KCNMA1: variants seen among roughly 807,000 people sequenced by gnomAD.
The protein encoded by KCNMA1 is potassium calcium-activated channel subfamily M alpha 1.
A neutral mutation model predicts 140.0 loss-of-function variants in KCNMA1; 29 were observed. That is an observed-to-expected ratio of 0.21 (90% CI 0.15 to 0.28). The LOEUF (loss-of-function observed/expected upper bound fraction) is 0.28, where lower values mean the gene tolerates loss of function less well. Among genes scored for constraint, KCNMA1 ranks in the 10% least tolerant of loss-of-function variants. The pLI, the probability that KCNMA1 is intolerant of heterozygous loss-of-function variation, is 1.00. For missense variants in KCNMA1, 880 were observed against 1,602.2 expected (o/e 0.55, Z 7.70); for synonymous variants, 612 against 611.9 (o/e 1.00, Z 0.00).
At chr10:77,012,073 G>A (rs371381812) in intron 17 of KCNMA1, 30 bp from the exon 18 acceptor site, 15 of 1,612,270 alleles carry the variant, frequency 9.3e-6, no homozygotes, top group Admixed American at 3.3e-5. Flanking sequence ...AAACTGACAC[G>A]TTTCATAATC....
intron 2 of KCNMA1, among the ~76,000 whole-genome samples, chr10:77,343,655 TA>T (rs1168265642): frequency 1.3e-5 from 2 of 152,206 alleles, no homozygotes; most frequent in Non-Finnish European, 2.9e-5. Context: ...AAATCCCATA[TA>T]AATGTACAAA....
intron 1 of KCNMA1, among the ~76,000 whole-genome samples, chr10:77,506,188 T>A (rs1392987002): frequency 6.6e-6 from 1 of 151,674 alleles, no homozygotes; most frequent in Non-Finnish European, 1.5e-5. Flanking sequence ...GTAGAGCTAA[T>A]TAGAGTTTCT....
At chr10:77,041,821 G>T (rs1203374598) in intron 14 of KCNMA1, among the ~76,000 whole-genome samples, 1 of 152,136 alleles carries the variant, frequency 6.6e-6, no homozygotes, top group African/African-American at 2.4e-5. Context: ...AACGGCTTGT[G>T]CTTATCTTGT....
intron 5 of KCNMA1, among the ~76,000 whole-genome samples, chr10:77,149,006 C>T (rs563577245): frequency 6.6e-6 from 1 of 152,296 alleles, no homozygotes; most frequent in African/African-American, 2.4e-5. Context: ...ATTTTTATTG[C>T]TCTGGCTTAA....
At chr10:77,448,595 G>A (rs2097571610) in intron 1 of KCNMA1, among the ~76,000 whole-genome samples, 1 of 152,126 alleles carries the variant, frequency 6.6e-6, no homozygotes, top group African/African-American at 2.4e-5. Context: ...CAATTCCAGG[G>A]TTCTTTCAGA....
chr10:77,146,738 AGAAGG>A (rs1597158388), intron 5 of KCNMA1, among the ~76,000 whole-genome samples: 8 of 137,438 alleles, frequency 5.8e-5, no homozygotes, highest in East Asian at 5.7e-4. Context: ...AAAGAAAGAA[AGAAGG>A]AAAGAAAAAA....
At chr10:77,230,061 T>C (rs2053055842) in intron 3 of KCNMA1, among the ~76,000 whole-genome samples, 1 of 152,184 alleles carries the variant, frequency 6.6e-6, no homozygotes, top group Non-Finnish European at 1.5e-5. Context: ...GACAAATGAA[T>C]GGATAAACAA....
At chr10:77,386,976 G>A (rs556290590) in intron 2 of KCNMA1, among the ~76,000 whole-genome samples, 1 of 152,210 alleles carries the variant, frequency 6.6e-6, no homozygotes, top group Non-Finnish European at 1.5e-5. Flanking sequence ...GCTTTTTACA[G>A]TGCCGGGGGA....
At position 76,919,461 on chromosome 10, in the gene KCNMA1, C is replaced by T. The variant is rs763523525; in HGVS notation, c.2903-4412G>A. On this transcript the variant is annotated intron_variant, in intron 23 of 27. Coordinates refer to ENST00000286628, the MANE Select transcript of KCNMA1 (RefSeq NM_001161352.2). ...TTCAGCATGAGACATAAGTGCTTGA[C>T]CAACTTTATCCTATGACAGATATTC... Among the ~76,000 whole-genome samples the T allele has an allele frequency of 4.4e-4, 67 of 152,012 alleles. 1 individual carries two copies. Among genetic ancestry groups the T allele is most frequent in the Non-Finnish European group, 1.6e-4 (11 of 68,016 alleles).
intron 4 of KCNMA1, among the ~76,000 whole-genome samples, chr10:77,183,914 A>C (rs1176271885): frequency 6.6e-6 from 1 of 152,212 alleles, no homozygotes; most frequent in Non-Finnish European, 1.5e-5. Flanking sequence ...ATATAGACTA[A>C]CTATATGCTA....
chr10:77,249,037 TCA>T (rs1182143221), intron 3 of KCNMA1, among the ~76,000 whole-genome samples: 3 of 152,206 alleles, frequency 2.0e-5, no homozygotes, highest in African/African-American at 4.8e-5. Flanking sequence ...CTATGCCAAA[TCA>T]CACAGTTTAG....
In KCNMA1 at chr10:77,637,456, C is replaced by A; in HGVS notation, c.187G>T (p.Glu63Ter). Residue 63 changes from glutamate (E) to a stop codon, truncating the protein, a stop_gained, in exon 1 of 28, where the codon GAG becomes TAG. Transcript: ENST00000286628. LOFTEE classifies it high-confidence loss of function. ...ATGATGAGCGCATCCATCTTGGGCT[C>A]GTGGACCGAGGACGAGGAGGAAGAG... ...SSSSSSSSVHEPKMDALIIPV... is the reference protein window; with the variant it reads ...SSSSSSSSVH 12 of 1,612,604 alleles carry A rather than the reference C, an allele frequency of 7.4e-6. No homozygotes were observed. Among genetic ancestry groups the A allele is most frequent in the Non-Finnish European group, 1.0e-5 (12 of 1,179,432 alleles).
chr10:76,943,268 G>C (rs1038757988), intron 23 of KCNMA1, among the ~76,000 whole-genome samples: 8 of 152,180 alleles, frequency 5.3e-5, no homozygotes, highest in Non-Finnish European at 1.2e-4. Flanking sequence ...TTCACATGTT[G>C]TGCTGTCCTG....
At chr10:77,606,909 C>T (rs2084767911) in intron 1 of KCNMA1, among the ~76,000 whole-genome samples, 1 of 152,180 alleles carries the variant, frequency 6.6e-6, no homozygotes, top group South Asian at 2.1e-4. Flanking sequence ...GCAACCCTTG[C>T]ACCCTCTGCA....
intron 1 of KCNMA1, among the ~76,000 whole-genome samples, chr10:77,591,956 C>CTCAGG (rs1327084216): frequency 1.3e-5 from 2 of 151,902 alleles, no homozygotes; most frequent in Admixed American, 1.3e-4. Context: ...CCACGTTTCT[C>CTCAGG]TCAGGTCAGG....
At chr10:77,549,628 T>A (rs571835417) in intron 1 of KCNMA1, among the ~76,000 whole-genome samples, 2 of 152,382 alleles carry the variant, frequency 1.3e-5, no homozygotes, top group Non-Finnish European at 2.9e-5. Flanking sequence ...AGATGAGCTA[T>A]GCCCTACAGG....
intron 2 of KCNMA1, among the ~76,000 whole-genome samples, chr10:77,398,108 CTGATGGACCCTTGGGTTGATTCCATAGCT>C (rs1209281808): frequency 6.6e-6 from 1 of 150,854 alleles, no homozygotes; most frequent in Admixed American, 6.6e-5. Context: ...TAATCATCCA[CTGATGGACCCTTGGGTTGATTCCATAGCT>C]TTGCTATTGT....
intron 20 of KCNMA1, among the ~76,000 whole-genome samples, chr10:76,966,998 G>T (rs2074207182): frequency 1.3e-5 from 2 of 152,158 alleles, no homozygotes; most frequent in South Asian, 4.1e-4. Flanking sequence ...GGGTAAGCCT[G>T]ATACAAGAAC....
At chr10:77,612,221 G>C (rs2154568197) in intron 1 of KCNMA1, among the ~76,000 whole-genome samples, 1 of 152,272 alleles carries the variant, frequency 6.6e-6, no homozygotes. Flanking sequence ...CAAAGACCCA[G>C]GCACATTCTA....
Sources: allele counts gnomAD v4.1 joint callset (sites outside exome capture counted in the v4.1 genomes callset), GRCh38; gene constraint gnomAD v4.1.1; transcripts MANE v1.5; gene names NCBI Gene and HGNC (gene_info 2026-07-23, HGNC 2026-07-21).